CHST11: variants seen among roughly 807,000 people sequenced by gnomAD.
CHST11 encodes the protein carbohydrate sulfotransferase 11, also known as C4S-1.
CHST11 carries 9 observed loss-of-function variants against 30.4 expected under a neutral mutation model. The observed-to-expected ratio is 0.30, with a 90% CI of 0.18 to 0.52. CHST11 has a LOEUF of 0.52. Ranked by LOEUF, CHST11 falls within the 20% of genes least tolerant of loss-of-function variation. CHST11 has a pLI of 0.97. For synonymous variants in CHST11, 152 were observed against 187.8 expected, an observed-to-expected ratio of 0.81 and a Z score of 1.56; for missense variants, 348 against 460.6, an observed-to-expected ratio of 0.76 and a Z score of 2.24.
rs917091009 is a variant in CHST11 at position 104,584,896 on chromosome 12, T to C, written c.119-17010T>C. ...TCGGTGTAATTTCCCAAGAGGGAAA[T>C]TGCTGGATTTGAAGGGTGTAAACAT... is the stretch of plus-strand genomic sequence containing the variant. On this transcript the variant is annotated intron_variant, in intron 1 of 2. Coordinates refer to ENST00000303694, the MANE Select transcript of CHST11 (RefSeq NM_018413.6). Among the ~76,000 whole-genome samples, 6 of 152,318 alleles carry C rather than the reference T, an allele frequency of 3.9e-5. No individual in the cohort carries two copies. In the East Asian group the frequency reaches 9.6e-4, roughly 24 times the overall value.
In CHST11 at chr12:104,487,513, C is replaced by G. The variant is rs575276980; in HGVS notation, c.118+29984C>G. Among the ~76,000 whole-genome samples, 11 of 152,368 alleles carry G rather than the reference C, an allele frequency of 7.2e-5. No individual in the cohort carries two copies. In the South Asian group the frequency reaches 2.3e-3, roughly 32 times the overall value. Reference sequence around the variant, plus strand: ...CTGAGCTCAAGCGATGCTCCCGCTTCAACCTCCCAAAGTGTTAGTATTACA... The same window carrying G: ...CTGAGCTCAAGCGATGCTCCCGCTTGAACCTCCCAAAGTGTTAGTATTACA... On this transcript the variant is annotated intron_variant, in intron 1 of 2. Coordinates refer to ENST00000303694, the MANE Select transcript of CHST11 (RefSeq NM_018413.6).
chr12:104,728,467 AGTT>A (rs2040232856), intron 2 of CHST11, among the ~76,000 whole-genome samples: 1 of 151,614 alleles, frequency 6.6e-6, no homozygotes, highest in Non-Finnish European at 1.5e-5. Flanking sequence ...ACAAAAACTG[AGTT>A]GTTCTCTTTA....
At chr12:104,722,051 C>G (rs1258853001) in intron 2 of CHST11, among the ~76,000 whole-genome samples, 1 of 152,008 alleles carries the variant, frequency 6.6e-6, no homozygotes, top group Non-Finnish European at 1.5e-5. Context: ...TGCAGTGATG[C>G]AGTCATAGCT....
intron 1 of CHST11, among the ~76,000 whole-genome samples, chr12:104,540,988 A>G (rs1304982220): frequency 6.6e-6 from 1 of 152,208 alleles, no homozygotes; most frequent in Non-Finnish European, 1.5e-5. Context: ...GCAAAGAGCC[A>G]GTGGCAGAAC....
intron 1 of CHST11, among the ~76,000 whole-genome samples, chr12:104,512,248 T>G (rs537071381): frequency 1.3e-5 from 2 of 152,252 alleles, no homozygotes; most frequent in South Asian, 4.2e-4. Context: ...TCAGAAGCAG[T>G]AATTTTCTGG....
chr12:104,646,578 A>C (rs2039433772), intron 2 of CHST11, among the ~76,000 whole-genome samples: 1 of 152,158 alleles, frequency 6.6e-6, no homozygotes. Flanking sequence ...CTAAAAATAC[A>C]AAAAATAGCT....
intron 2 of CHST11, among the ~76,000 whole-genome samples, chr12:104,628,886 T>C (rs1183900239): frequency 6.6e-6 from 1 of 152,228 alleles, no homozygotes; most frequent in Non-Finnish European, 1.5e-5. Context: ...TATTTATTGC[T>C]GTCTTCCTCA....
chr12:104,638,535 T>A, intron 2 of CHST11, among the ~76,000 whole-genome samples: 1 of 152,154 alleles, frequency 6.6e-6, no homozygotes, highest in East Asian at 1.9e-4. Context: ...ACTACTCTCA[T>A]GATAAAGGGT....
At position 104,702,832 on chromosome 12, in the gene CHST11, G is replaced by A. The variant is rs746308506; in HGVS notation, c.205-54117G>A. 6.0e-4 allele frequency among the ~76,000 whole-genome samples: 92 copies of A among 152,306 alleles called. 2 individuals carry two copies. Among genetic ancestry groups the A allele is most frequent in the Admixed American group, 3.3e-4 (5 of 15,296 alleles). ...CTCCAAGGGCGGACAGCGGGTCGGC[G>A]AGAGTCGATAATGGGTTCCAGCAGA... On this transcript the variant is annotated intron_variant, in intron 2 of 2. Coordinates refer to ENST00000303694, the MANE Select transcript of CHST11 (RefSeq NM_018413.6).
chr12:104,635,586 C>T (rs2039315862), intron 2 of CHST11, among the ~76,000 whole-genome samples: 1 of 152,172 alleles, frequency 6.6e-6, no homozygotes, highest in Non-Finnish European at 1.5e-5. Context: ...ATGGCTTCGC[C>T]GTTTTCCAAC....
intron 2 of CHST11, among the ~76,000 whole-genome samples, chr12:104,619,230 C>G (rs1359173203): frequency 6.6e-6 from 1 of 152,226 alleles, no homozygotes; most frequent in African/African-American, 2.4e-5. Flanking sequence ...GGATTGTCAG[C>G]TTCTCCTAGA....
At chr12:104,592,976 C>G (rs7979531) in intron 1 of CHST11, among the ~76,000 whole-genome samples, 42,876 of 152,016 alleles carry the variant, frequency 0.28, 6,207 homozygotes, top group African/African-American at 0.34. Context: ...AATGTATACA[C>G]TATATTCTTC....
chr12:104,749,680 T>C (rs561441617), intron 2 of CHST11, among the ~76,000 whole-genome samples: 2 of 152,350 alleles, frequency 1.3e-5, no homozygotes, highest in East Asian at 3.9e-4. Flanking sequence ...CCCAGAGCTG[T>C]TGGTCCCATC....
intron 1 of CHST11, among the ~76,000 whole-genome samples, chr12:104,497,263 C>T (rs1349683095): frequency 6.6e-6 from 1 of 152,052 alleles, no homozygotes. Context: ...TAGGATGGGC[C>T]CTAATCCAAT....
At chr12:104,670,158 G>A (rs2039676412) in intron 2 of CHST11, among the ~76,000 whole-genome samples, 1 of 152,180 alleles carries the variant, frequency 6.6e-6, no homozygotes, top group African/African-American at 2.4e-5. Context: ...CAGGGAGAGG[G>A]AGGAAGGGGG....
chr12:104,516,052 A>G (rs2038019484), intron 1 of CHST11, among the ~76,000 whole-genome samples: 1 of 152,258 alleles, frequency 6.6e-6, no homozygotes, highest in African/African-American at 2.4e-5. Flanking sequence ...AGTGGTTAAG[A>G]GAAGGAGTTC....
intron 2 of CHST11, among the ~76,000 whole-genome samples, chr12:104,630,279 G>A: frequency 6.6e-6 from 1 of 151,534 alleles, no homozygotes; most frequent in East Asian, 1.9e-4. Flanking sequence ...CACACTAGCT[G>A]TGTGGCTTTG....
chr12:104,734,705 T>C (rs312167), intron 2 of CHST11, among the ~76,000 whole-genome samples: 74,186 of 151,992 alleles, frequency 0.49, 18,371 homozygotes, highest in East Asian at 0.65. Flanking sequence ...CAACAGCCTT[T>C]CCTGGTAGGC....
At chr12:104,695,444 TGA>T (rs1257263624) in intron 2 of CHST11, among the ~76,000 whole-genome samples, 4 of 93,692 alleles carry the variant, frequency 4.3e-5, no homozygotes, top group Non-Finnish European at 7.3e-5. Flanking sequence ...CACAACACAA[TGA>T]GTGTGTGTGT....
Sources: gnomAD v4.1 joint callset for allele counts (sites outside exome capture counted in the v4.1 genomes callset) on GRCh38, gnomAD v4.1.1 for gene constraint, MANE v1.5 for transcripts, NCBI Gene and HGNC (gene_info 2026-07-23, HGNC 2026-07-21) for gene names.